Variants in MPHOSPH9 observed in about 807,000 individuals in gnomAD.
The protein encoded by MPHOSPH9 is M-phase phosphoprotein 9.
Under a neutral mutation model 145.5 loss-of-function variants are expected in MPHOSPH9, and 88 were observed. That is an observed-to-expected ratio of 0.60 (90% CI 0.51 to 0.72). MPHOSPH9 has a LOEUF of 0.72. MPHOSPH9 is among the 30% of genes least tolerant of loss of function. The probability of loss-of-function intolerance (pLI) is 0.00; values close to 1 mark genes in which losing one functional copy is unlikely to be tolerated. For missense variants in MPHOSPH9, 1,238 were observed against 1,386.6 expected, an observed-to-expected ratio of 0.89 and a Z score of 1.70; for synonymous variants, 435 against 486.2, an observed-to-expected ratio of 0.89 and a Z score of 1.39.
intron 13 of MPHOSPH9, among the ~76,000 whole-genome samples, chr12:123,187,862 G>A (rs1386488648): frequency 1.3e-5 from 2 of 152,080 alleles, no homozygotes; most frequent in East Asian, 1.9e-4. Context: ...GCCGTGGCTC[G>A]CACCTGTAAT....
At chr12:123,226,502 GA>G (rs1373313515) in intron 3 of MPHOSPH9, among the ~76,000 whole-genome samples, 1 of 151,134 alleles carries the variant, frequency 6.6e-6, no homozygotes, top group Non-Finnish European at 1.5e-5. Flanking sequence ...ATTATCCTAT[GA>G]AATAAAATTT....
rs377652877 is a variant in MPHOSPH9 at position 123,165,408 on chromosome 12, T to C, written c.2661A>G (p.Gln887=). Residue 887 remains glutamine, a synonymous_variant, in exon 18 of 24, where the codon CAA becomes CAG. Transcript: ENST00000606320. The part of the protein sequence containing the change: ...SSSTSLLIKK[Q]RETSDTPIMR... ...TGATCGGCGTGTCTGAAGTCTCTCT[T>C]TGCTTTTTTATCAACAAGCTTGTTG... 4 of 1,613,900 alleles carry C rather than the reference T, an allele frequency of 2.5e-6. No homozygotes were observed. In the African/African-American group the frequency reaches 5.3e-5, roughly 22 times the overall value.
At chr12:123,198,157 C>T (rs1372228531) in intron 12 of MPHOSPH9, 90 bp downstream of exon 12, 5 of 975,194 alleles carry the variant, frequency 5.1e-6, no homozygotes, top group Non-Finnish European at 6.3e-6. Context: ...CTTCATAAGC[C>T]TTCCTTAAAA....
chr12:123,185,785 T>C (rs1254759996), intron 13 of MPHOSPH9, among the ~76,000 whole-genome samples: 2 of 152,036 alleles, frequency 1.3e-5, no homozygotes, highest in African/African-American at 4.8e-5. Context: ...TGATCCTTGA[T>C]TGGATTCTGG....
chr12:123,194,140 G>A (rs1434980720), intron 13 of MPHOSPH9, among the ~76,000 whole-genome samples: 1 of 151,896 alleles, frequency 6.6e-6, no homozygotes, highest in Admixed American at 6.6e-5. Context: ...GCAGTGGTGG[G>A]CTCCTGTAAT....
At chr12:123,220,115 A>C (rs933411361) in intron 5 of MPHOSPH9, among the ~76,000 whole-genome samples, 2 of 152,018 alleles carry the variant, frequency 1.3e-5, no homozygotes, top group Non-Finnish European at 2.9e-5. Context: ...AATCATATGA[A>C]CCTGGGAGGT....
chr12:123,164,065 T>C lies in MPHOSPH9; in HGVS notation c.2793A>G (p.Ser931=). The C allele has an allele frequency of 1.9e-6, 3 of 1,614,138 alleles. No individual in the cohort carries two copies. In the East Asian group the frequency reaches 6.7e-5, roughly 36 times the overall value. ...SNINPRQTET[S]VNASRSPEKC... ...TTTCTGGAGAACGACTTGCATTAAC[T>C]GAAGTTTCAGTTTGCCGAGGATTTA... The change falls in exon 19 of 24, where the codon TCA becomes TCG. Residue 931 remains serine (S), a synonymous_variant. Transcript: ENST00000606320.
intron 23 of MPHOSPH9, among the ~76,000 whole-genome samples, chr12:123,158,940 C>G (rs2043983614): frequency 6.6e-6 from 1 of 151,780 alleles, no homozygotes; most frequent in Non-Finnish European, 1.5e-5. Flanking sequence ...CTCAAAATAT[C>G]TTTGAATTAG....
chr12:123,209,961 C>G (rs1468368426), intron 8 of MPHOSPH9, 95 bp downstream of exon 8: 1 of 706,172 alleles, frequency 1.4e-6, no homozygotes, highest in African/African-American at 1.8e-5. Context: ...TGGTCTTGAT[C>G]TCCTGACCTC....
intron 13 of MPHOSPH9, among the ~76,000 whole-genome samples, chr12:123,187,506 A>G (rs2045498208): frequency 1.3e-5 from 2 of 152,190 alleles, no homozygotes; most frequent in South Asian, 4.2e-4. Flanking sequence ...GCATGCTGAC[A>G]GTAATATTTG....
chr12:123,211,266 T>C (rs930281278), intron 7 of MPHOSPH9, among the ~76,000 whole-genome samples: 7 of 152,136 alleles, frequency 4.6e-5, no homozygotes, highest in African/African-American at 1.7e-4. Context: ...AAAACAGGTG[T>C]GAGCCACCGT....
intron 3 of MPHOSPH9, among the ~76,000 whole-genome samples, chr12:123,224,130 ATTTTTTT>A (rs1156810609): frequency 1.2e-5 from 1 of 81,036 alleles, no homozygotes; most frequent in African/African-American, 4.0e-5. Context: ...ATATATACAC[ATTTTTTT>A]TTTTTTTTTT....
At chr12:123,208,047 C>G (rs2046519442) in intron 8 of MPHOSPH9, among the ~76,000 whole-genome samples, 1 of 151,488 alleles carries the variant, frequency 6.6e-6, no homozygotes, top group Non-Finnish European at 1.5e-5. Context: ...ACGAAACTCC[C>G]TCTCTACTAA....
rs1228769022 is a variant in MPHOSPH9 at position 123,233,111 on chromosome 12, C to T, written c.-195G>A. 1 of 150,878 alleles carries T rather than the reference C, an allele frequency of 6.6e-6. No individual in the cohort carries two copies. Among genetic ancestry groups the T allele is most frequent in the Non-Finnish European group, 1.5e-5 (1 of 67,658 alleles). 9.3% of individuals were successfully genotyped at this position (150,878 alleles called of 1,614,324 possible). On this transcript the variant is annotated 5_prime_UTR_variant, in exon 1 of 24. Coordinates refer to ENST00000606320, the MANE Select transcript of MPHOSPH9 (RefSeq NM_022782.4). ...TCCCGCTGCCGATGTCAGGGTCATG[C>T]AAGCGGCCTCTCGCGACCGTTACCC...
chr12:123,203,494 G>T, intron 8 of MPHOSPH9, 119 bp from the exon 9 acceptor site: 2 of 890,946 alleles, frequency 2.2e-6, no homozygotes, highest in Non-Finnish European at 3.3e-6. Flanking sequence ...AATGTAGACT[G>T]TCAGATTTGT....
intron 6 of MPHOSPH9, among the ~76,000 whole-genome samples, chr12:123,218,055 A>T (rs2047043673): frequency 6.6e-6 from 1 of 151,462 alleles, no homozygotes; most frequent in South Asian, 2.1e-4. Flanking sequence ...AAAAAAAAAA[A>T]AAAAAATTGG....
At chr12:123,161,009 T>C in intron 22 of MPHOSPH9, 127 bp downstream of exon 22, 1 of 1,361,162 alleles carries the variant, frequency 7.3e-7, no homozygotes, top group Non-Finnish European at 1.0e-6. Flanking sequence ...AATCCGTTGC[T>C]AGCACAGCTC....
intron 1 of MPHOSPH9, among the ~76,000 whole-genome samples, chr12:123,239,774 T>G (rs908242649): frequency 1.3e-5 from 2 of 152,122 alleles, no homozygotes; most frequent in African/African-American, 4.8e-5. Context: ...TTTTTATTTT[T>G]TTTTCCCCCA....
intron 6 of MPHOSPH9, among the ~76,000 whole-genome samples, chr12:123,216,603 C>T (rs1310903855): frequency 6.6e-6 from 1 of 152,136 alleles, no homozygotes; most frequent in Non-Finnish European, 1.5e-5. Flanking sequence ...GTAATCTCAG[C>T]ATTTGGGGAG....
Sources: gnomAD v4.1 joint callset for allele counts (sites outside exome capture counted in the v4.1 genomes callset) on GRCh38, gnomAD v4.1.1 for gene constraint, MANE v1.5 for transcripts, NCBI Gene and HGNC (gene_info 2026-07-23, HGNC 2026-07-21) for gene names.